PRKCB: variants seen among roughly 807,000 people sequenced by gnomAD.
PRKCB encodes the protein protein kinase C beta type.
Under a neutral mutation model 81.5 loss-of-function variants are expected in PRKCB, and 13 were observed. That is an observed-to-expected ratio of 0.16 (90% CI 0.10 to 0.25). PRKCB has a LOEUF of 0.25. PRKCB is among the 10% of genes least tolerant of loss of function. PRKCB has a pLI of 1.00. For missense variants in PRKCB, 509 were observed against 875.7 expected, an observed-to-expected ratio of 0.58 and a Z score of 5.29; for synonymous variants, 335 against 321.4, an observed-to-expected ratio of 1.04 and a Z score of -0.45.
intron 12 of PRKCB, among the ~76,000 whole-genome samples, chr16:24,180,184 C>A (rs749734275): frequency 6.6e-6 from 1 of 152,094 alleles, no homozygotes; most frequent in Non-Finnish European, 1.5e-5. Flanking sequence ...ACCTTGTGAT[C>A]CACCTGCCTT....
intron 2 of PRKCB, among the ~76,000 whole-genome samples, chr16:23,869,506 G>T (rs1342891195): frequency 1.3e-5 from 2 of 152,134 alleles, no homozygotes; most frequent in Non-Finnish European, 2.9e-5. Context: ...CCTATCCATG[G>T]TCTTTTTCTT....
At chr16:23,888,477 C>T (rs956499805) in intron 2 of PRKCB, among the ~76,000 whole-genome samples, 3 of 152,310 alleles carry the variant, frequency 2.0e-5, no homozygotes, top group Non-Finnish European at 4.4e-5. Flanking sequence ...TGCTGCCTTT[C>T]TGTGATCTCT....
chr16:24,049,374 C>T (rs72779960), intron 5 of PRKCB, among the ~76,000 whole-genome samples: 58 of 104,590 alleles, frequency 5.5e-4, no homozygotes, highest in East Asian at 1.1e-3. Flanking sequence ...CCCTGGCACA[C>T]CCGGGACCTG....
intron 3 of PRKCB, among the ~76,000 whole-genome samples, chr16:24,017,284 C>T (rs1965291895): frequency 6.6e-6 from 1 of 152,184 alleles, no homozygotes; most frequent in African/African-American, 2.4e-5. Context: ...AGATGCATTT[C>T]ATACATTTGC....
At chr16:23,929,261 G>C (rs1271063055) in intron 2 of PRKCB, among the ~76,000 whole-genome samples, 1 of 152,152 alleles carries the variant, frequency 6.6e-6, no homozygotes, top group African/African-American at 2.4e-5. Flanking sequence ...CCAGGCCACA[G>C]AGTTTGCAGT....
At chr16:24,207,401 A>C (rs1968062168) in intron 16 of PRKCB, among the ~76,000 whole-genome samples, 1 of 152,210 alleles carries the variant, frequency 6.6e-6, no homozygotes, top group South Asian at 2.1e-4. Flanking sequence ...TCAAGCATAA[A>C]GGGGAAAAGG....
intron 10 of PRKCB, among the ~76,000 whole-genome samples, chr16:24,158,760 T>C (rs1300200708): frequency 6.6e-6 from 1 of 151,982 alleles, no homozygotes; most frequent in African/African-American, 2.4e-5. Flanking sequence ...CTGGGCTCAA[T>C]AGATCCTCCT....
chr16:23,856,528 C>CTTTTTTT (rs11398957), intron 2 of PRKCB, among the ~76,000 whole-genome samples: 2 of 145,264 alleles, frequency 1.4e-5, no homozygotes, highest in Admixed American at 6.9e-5. Context: ...TTTCACGAAA[C>CTTTTTTT]TTTTTTTTTT....
At chr16:24,202,511 A>G (rs1967974518) in intron 16 of PRKCB, among the ~76,000 whole-genome samples, 1 of 152,162 alleles carries the variant, frequency 6.6e-6, no homozygotes, top group South Asian at 2.1e-4. Flanking sequence ...AAAAAATAAA[A>G]TATTCAAGCA....
intron 2 of PRKCB, among the ~76,000 whole-genome samples, chr16:23,882,023 T>TTTC (rs1963127914): frequency 1.1e-5 from 1 of 93,708 alleles, no homozygotes; most frequent in Non-Finnish European, 2.2e-5. Context: ...TCTTTCTTTC[T>TTTC]TCCTTCCTTC....
intron 5 of PRKCB, among the ~76,000 whole-genome samples, chr16:24,069,375 A>G (rs1256253047): frequency 6.6e-6 from 1 of 152,126 alleles, no homozygotes; most frequent in African/African-American, 2.4e-5. Flanking sequence ...TCCCAGAGTG[A>G]GACGTTGAAG....
chr16:24,167,252 C>T (rs1967361896), intron 10 of PRKCB, among the ~76,000 whole-genome samples: 1 of 151,914 alleles, frequency 6.6e-6, no homozygotes, highest in Non-Finnish European at 1.5e-5. Flanking sequence ...TCTCCTATGC[C>T]TTGGACCCTG....
chr16:23,844,120 A>G (rs919317444), intron 2 of PRKCB, among the ~76,000 whole-genome samples: 2 of 152,234 alleles, frequency 1.3e-5, no homozygotes, highest in African/African-American at 4.8e-5. Flanking sequence ...TCTGCAGTTC[A>G]ATTAATTCTT....
intron 13 of PRKCB, among the ~76,000 whole-genome samples, chr16:24,184,358 C>G (rs1046017785): frequency 6.6e-6 from 1 of 151,328 alleles, no homozygotes. Context: ...GGCTGAGGTG[C>G]GAGGATTGCT....
chr16:23,960,142 A>G (rs929933300), intron 2 of PRKCB, among the ~76,000 whole-genome samples: 1 of 152,312 alleles, frequency 6.6e-6, no homozygotes, highest in South Asian at 2.1e-4. Flanking sequence ...TCCTCAACCA[A>G]TGACTTATGG....
At chr16:23,845,174 T>C (rs1167187026) in intron 2 of PRKCB, among the ~76,000 whole-genome samples, 1 of 152,204 alleles carries the variant, frequency 6.6e-6, no homozygotes, top group Non-Finnish European at 1.5e-5. Flanking sequence ...CAATGGTGAA[T>C]GAAACTGAGA....
Position 24,035,456 on chromosome 16 carries a change from T to C in PRKCB, c.438T>C (p.Asn146=). ...ATGTGCACAAGCGCTGCGTGATGAATGTTCCCAGCCTGTGTGGCACGGACC... is the reference window on the plus strand; with the variant it reads ...ATGTGCACAAGCGCTGCGTGATGAACGTTCCCAGCCTGTGTGGCACGGACC... ...MMNVHKRCVM[N]VPSLCGTDHT... Residue 146 remains asparagine (N), a synonymous_variant, in exon 5 of 17, where the codon AAT becomes AAC. Transcript: ENST00000643927. 1 of 1,614,138 alleles carries C rather than the reference T, an allele frequency of 6.2e-7. No homozygotes were observed.
At chr16:24,189,068 C>T (rs1330654478) in intron 15 of PRKCB, among the ~76,000 whole-genome samples, 1 of 152,172 alleles carries the variant, frequency 6.6e-6, no homozygotes, top group Non-Finnish European at 1.5e-5. Flanking sequence ...TCAATTTCCT[C>T]ACCCTCCATA....
At chr16:23,932,817 G>C (rs568670142) in intron 2 of PRKCB, among the ~76,000 whole-genome samples, 1 of 152,146 alleles carries the variant, frequency 6.6e-6, no homozygotes, top group Non-Finnish European at 1.5e-5. Context: ...TCCTTTGCTT[G>C]AACTGGGGGC....
Sources: allele counts gnomAD v4.1 joint callset (sites outside exome capture counted in the v4.1 genomes callset), GRCh38; gene constraint gnomAD v4.1.1; transcripts MANE v1.5; gene names NCBI Gene and HGNC (gene_info 2026-07-23, HGNC 2026-07-21).